The following DIAPH2 variants were observed in gnomAD, a reference collection of about 807,000 sequenced individuals.
The protein encoded by DIAPH2 is protein diaphanous homolog 2.
A neutral mutation model predicts 92.7 loss-of-function variants in DIAPH2; 35 were observed. The ratio of observed to expected loss-of-function variants is 0.38; its 90% CI spans 0.29 to 0.50. The LOEUF is 0.50. Among genes scored for constraint, DIAPH2 ranks in the 20% least tolerant of loss-of-function variants. The pLI, the probability that DIAPH2 is intolerant of heterozygous loss-of-function variation, is 0.94. For missense variants in DIAPH2, 701 were observed against 819.5 expected, an observed-to-expected ratio of 0.86 and a Z score of 1.77; for synonymous variants, 301 against 280.4, an observed-to-expected ratio of 1.07 and a Z score of -0.73.
rs753182642 is a variant in DIAPH2, at chrX:97,420,919, C to G, written c.3146-8731C>G. 8.0e-5 allele frequency among the ~76,000 whole-genome samples: 9 copies of G among 112,110 alleles called. No individual in the cohort carries two copies. In the South Asian group the frequency reaches 3.3e-3, roughly 41 times the overall value. ...CCCTCTTCTAATCTCTTTGGAATAT[C>G]TTGATTTCCTTAAACACTTTCTGGC... On this transcript the variant is annotated intron_variant, in intron 25 of 26. Transcript: ENST00000324765.
chrX:97,277,505 G>A (rs2068461597), intron 23 of DIAPH2, among the ~76,000 whole-genome samples: 1 of 111,450 alleles, frequency 9.0e-6, no homozygotes, highest in South Asian at 3.8e-4. Flanking sequence ...GGCCTTGAAA[G>A]ATGGGTAAGA....
chrX:97,173,729 A>G (rs1172271859), intron 22 of DIAPH2, among the ~76,000 whole-genome samples: 3 of 110,777 alleles, frequency 2.7e-5, no homozygotes, highest in South Asian at 7.6e-4. Context: ...AACATGGCGA[A>G]ATGCCATATC....
At chrX:97,395,210 T>G (rs2147743608) in intron 25 of DIAPH2, among the ~76,000 whole-genome samples, 1 of 111,780 alleles carries the variant, frequency 8.9e-6, no homozygotes, top group South Asian at 3.8e-4. Context: ...CTAAAAGAAG[T>G]GGAGTTTTGA....
intron 23 of DIAPH2, among the ~76,000 whole-genome samples, chrX:97,252,117 A>C (rs2068193673): frequency 8.9e-6 from 1 of 112,258 alleles, no homozygotes; most frequent in Non-Finnish European, 1.9e-5. Flanking sequence ...AAACTATCTA[A>C]AAAAGCACAT....
intron 2 of DIAPH2, among the ~76,000 whole-genome samples, chrX:96,737,905 T>C (rs925720668): frequency 1.8e-5 from 2 of 111,741 alleles, no homozygotes; most frequent in Non-Finnish European, 3.8e-5. Context: ...CAATAATAAA[T>C]AGCAGCTAAG....
At chrX:96,926,286 CACTT>C (rs1231471924) in intron 9 of DIAPH2, among the ~76,000 whole-genome samples, 2 of 94,213 alleles carry the variant, frequency 2.1e-5, no homozygotes, top group African/African-American at 6.8e-5. Context: ...CTTTCTCTGT[CACTT>C]AGGTAAACAA....
At chrX:97,336,338 G>A (rs1180954610) in intron 23 of DIAPH2, among the ~76,000 whole-genome samples, 6 of 103,487 alleles carry the variant, frequency 5.8e-5, no homozygotes, top group African/African-American at 2.1e-4. Context: ...TCCGCCTCCC[G>A]GGTTCACGCC....
intron 3 of DIAPH2, among the ~76,000 whole-genome samples, chrX:96,742,740 C>T (rs1475657548): frequency 9.2e-6 from 1 of 108,369 alleles, no homozygotes; most frequent in Admixed American, 9.9e-5. Context: ...GATCTTGGCT[C>T]ACTGCAACCT....
chrX:96,901,355 T>G (rs1425084402), intron 5 of DIAPH2, among the ~76,000 whole-genome samples: 1 of 109,478 alleles, frequency 9.1e-6, no homozygotes, highest in Non-Finnish European at 1.9e-5. Flanking sequence ...TCTCTCTTCT[T>G]TCTTTAATTA....
intron 23 of DIAPH2, among the ~76,000 whole-genome samples, chrX:97,334,760 A>T (rs1458972035): frequency 9.2e-6 from 1 of 108,312 alleles, no homozygotes; most frequent in East Asian, 2.9e-4. Context: ...AGGCGGGTGG[A>T]TCACAAGGTC....
At chrX:97,183,251 T>C (rs2067555012) in intron 22 of DIAPH2, among the ~76,000 whole-genome samples, 1 of 111,792 alleles carries the variant, frequency 8.9e-6, no homozygotes, top group South Asian at 3.8e-4. Context: ...GGGATGATTT[T>C]TGGAACTTTT....
intron 9 of DIAPH2, among the ~76,000 whole-genome samples, chrX:96,924,276 A>G (rs1263901984): frequency 1.8e-5 from 2 of 112,121 alleles, no homozygotes; most frequent in African/African-American, 6.5e-5. Flanking sequence ...GTTTTATATT[A>G]TTGTCATTTA....
intron 22 of DIAPH2, among the ~76,000 whole-genome samples, chrX:97,185,134 CA>C (rs1305141618): frequency 9.4e-5 from 9 of 95,481 alleles, no homozygotes; most frequent in African/African-American, 2.7e-4. Flanking sequence ...TTTAAAAAAA[CA>C]AAAAAAAAGA....
intron 26 of DIAPH2, among the ~76,000 whole-genome samples, chrX:97,570,100 A>AT (rs1189328482): frequency 9.6e-5 from 3 of 31,113 alleles, no homozygotes; most frequent in African/African-American, 3.0e-4. Flanking sequence ...ATATATATAT[A>AT]TATATATATA....
At chrX:96,884,751 C>T in intron 5 of DIAPH2, 2 of 1,209,716 alleles carry the variant, frequency 1.7e-6, no homozygotes, top group Non-Finnish European at 2.2e-6. Context: ...AAATTCATGT[C>T]CTAGAGGACA....
chrX:97,159,786 C>T (rs976898243), intron 22 of DIAPH2, among the ~76,000 whole-genome samples: 2 of 111,664 alleles, frequency 1.8e-5, no homozygotes, highest in African/African-American at 6.5e-5. Flanking sequence ...TTAGTAAAAA[C>T]GGAAAAATTA....
intron 4 of DIAPH2, among the ~76,000 whole-genome samples, chrX:96,876,148 C>G (rs2065176995): frequency 8.9e-6 from 1 of 111,976 alleles, no homozygotes; most frequent in African/African-American, 3.2e-5. Context: ...AGCCAACAGA[C>G]ACATGAAAAA....
chrX:97,434,098 G>GAT (rs1215715662), intron 26 of DIAPH2, among the ~76,000 whole-genome samples: 2 of 111,042 alleles, frequency 1.8e-5, no homozygotes, highest in African/African-American at 6.6e-5. Flanking sequence ...AAGAAAATAG[G>GAT]ATATATATAG....
chrX:97,353,847 C>T (rs1453935919), intron 24 of DIAPH2, among the ~76,000 whole-genome samples: 1 of 111,302 alleles, frequency 9.0e-6, no homozygotes, highest in Non-Finnish European at 1.9e-5. Context: ...GACCGGGTTG[C>T]TCTGTTTCCC....
Sources: gnomAD v4.1 joint callset for allele counts (sites outside exome capture counted in the v4.1 genomes callset) on GRCh38, gnomAD v4.1.1 for gene constraint, MANE v1.5 for transcripts, NCBI Gene and HGNC (gene_info 2026-07-23, HGNC 2026-07-21) for gene names.